The following EYA1 variants were observed in gnomAD, a reference collection of about 807,000 sequenced individuals.
EYA1 encodes the protein protein phosphatase EYA1.
EYA1 carries 16 observed loss-of-function variants against 82.0 expected under a neutral mutation model. The ratio of observed to expected loss-of-function variants is 0.20; its 90% CI spans 0.13 to 0.30. The LOEUF (loss-of-function observed/expected upper bound fraction) is 0.30, where lower values mean the gene tolerates loss of function less well. Among genes scored for constraint, EYA1 ranks in the 10% least tolerant of loss-of-function variants. EYA1 has a pLI of 1.00. For missense variants in EYA1, 633 were observed against 730.7 expected (o/e 0.87, Z 1.54); for synonymous variants, 261 against 264.4 (o/e 0.99, Z 0.12).
intron 2 of EYA1, among the ~76,000 whole-genome samples, chr8:71,412,181 A>G (rs1371755435): frequency 1.6e-5 from 2 of 125,344 alleles, no homozygotes; most frequent in African/African-American, 6.0e-5. Flanking sequence ...TTGAACAATG[A>G]GATCACATGG....
At chr8:71,475,683 A>G (rs551862649) in intron 2 of EYA1, among the ~76,000 whole-genome samples, 199 of 152,310 alleles carry the variant, frequency 1.3e-3, no homozygotes, top group Non-Finnish European at 2.0e-3. Flanking sequence ...AATTCTTTTC[A>G]TGGCCATTAG....
At chr8:71,496,645 C>T (rs1386038017) in intron 2 of EYA1, among the ~76,000 whole-genome samples, 1 of 152,032 alleles carries the variant, frequency 6.6e-6, no homozygotes, top group African/African-American at 2.4e-5. Context: ...TGTGAACTAA[C>T]CTCTGGAACA....
At chr8:71,537,704 T>A (rs1251053381) in intron 1 of EYA1, among the ~76,000 whole-genome samples, 2 of 152,190 alleles carry the variant, frequency 1.3e-5, no homozygotes, top group Non-Finnish European at 2.9e-5. Context: ...TTTCCATACC[T>A]GTCTTGTGAA....
intron 2 of EYA1, among the ~76,000 whole-genome samples, chr8:71,478,968 G>A (rs1030976294): frequency 2.0e-5 from 3 of 152,118 alleles, no homozygotes; most frequent in Non-Finnish European, 4.4e-5. Context: ...CATTCTTTGT[G>A]GGTATCAAGA....
upstream of EYA1, among the ~76,000 whole-genome samples, chr8:71,365,422 A>G (rs1827696679): frequency 6.6e-6 from 1 of 152,192 alleles, no homozygotes; most frequent in Non-Finnish European, 1.5e-5. Context: ...TTTCAAAAAT[A>G]ACAGTATAGT....
At chr8:71,465,021 A>G (rs1808677204) in intron 2 of EYA1, among the ~76,000 whole-genome samples, 1 of 152,240 alleles carries the variant, frequency 6.6e-6, no homozygotes, top group Non-Finnish European at 1.5e-5. Context: ...TGGAACTCAT[A>G]TAAAGCTTCA....
In EYA1 at chr8:71,199,109, T is replaced by C; in HGVS notation, c.*231A>G. ...AGACACATAACGCTGTGCTAAAACA[T>C]TCTCATGGCTTATTTTCACTGGATT... On this transcript the variant is annotated 3_prime_UTR_variant, in exon 18 of 18. Transcript: ENST00000340726. 1.7e-6 allele frequency: 1 copy of C among 595,414 alleles called. No individual in the cohort carries two copies. The allele number at this position is 595,414 out of a possible 1,614,324, so 36.9% of individuals were successfully genotyped here.
chr8:71,333,971 A>C, intron 4 of EYA1, 126 bp downstream of exon 4: 1 of 712,832 alleles, frequency 1.4e-6, no homozygotes, highest in East Asian at 2.7e-5. Context: ...GTATATATAC[A>C]TAAGTACGTA....
chr8:71,370,806 G>A (rs112301773), intron 2 of EYA1, among the ~76,000 whole-genome samples: 4,434 of 150,412 alleles, frequency 0.029, 224 homozygotes, highest in African/African-American at 0.1. Context: ...TTTATTTTAC[G>A]TACAGACGAG....
intron 2 of EYA1, among the ~76,000 whole-genome samples, chr8:71,424,718 A>G (rs1831324904): frequency 6.6e-6 from 1 of 151,940 alleles, no homozygotes; most frequent in Admixed American, 6.6e-5. Flanking sequence ...TTCCCCTTGA[A>G]CTTTCTGCTT....
chr8:71,233,739 A>C (rs1811510754), intron 12 of EYA1, among the ~76,000 whole-genome samples: 1 of 152,194 alleles, frequency 6.6e-6, no homozygotes, highest in Admixed American at 6.5e-5. Context: ...GTAATATGAA[A>C]GTCTAATATC....
At chr8:71,361,294 G>T (rs1827350549) in intron 1 of EYA1, among the ~76,000 whole-genome samples, 1 of 152,142 alleles carries the variant, frequency 6.6e-6, no homozygotes, top group African/African-American at 2.4e-5. Context: ...ATATATTTGA[G>T]ATTTGTGCAG....
chr8:71,246,820 G>A (rs1265840029), intron 11 of EYA1, among the ~76,000 whole-genome samples: 1 of 152,138 alleles, frequency 6.6e-6, no homozygotes, highest in Non-Finnish European at 1.5e-5. Context: ...GCCTTGCTGG[G>A]CACCTGCCAG....
At chr8:71,210,436 A>C (rs184862075) in intron 17 of EYA1, among the ~76,000 whole-genome samples, 18 of 152,316 alleles carry the variant, frequency 1.2e-4, no homozygotes, top group Admixed American at 1.0e-3. Context: ...GAGACAGATC[A>C]GAAAGGCAGG....
chr8:71,365,741 G>A (rs1266602664), upstream of EYA1, among the ~76,000 whole-genome samples: 1 of 152,086 alleles, frequency 6.6e-6, no homozygotes, highest in African/African-American at 2.4e-5. Context: ...ATTCTGAATG[G>A]TCACTTCCAT....
chr8:71,364,143 A>C (rs529896118), upstream of EYA1, among the ~76,000 whole-genome samples: 3 of 152,026 alleles, frequency 2.0e-5, no homozygotes, highest in East Asian at 5.8e-4. Context: ...TGATGAATGT[A>C]ATGTGACCAC....
chr8:71,402,522 A>AT (rs1445825772), intron 2 of EYA1, among the ~76,000 whole-genome samples: 1 of 152,322 alleles, frequency 6.6e-6, no homozygotes, highest in South Asian at 2.1e-4. Context: ...TTCTAAAGTT[A>AT]TTTTTTAATT....
intron 2 of EYA1, among the ~76,000 whole-genome samples, chr8:71,445,708 G>A (rs1299788735): frequency 2.0e-5 from 3 of 151,950 alleles, no homozygotes; most frequent in African/African-American, 4.8e-5. Context: ...GCACGATCTC[G>A]GCTCACTGCC....
At chr8:71,448,799 T>C (rs1240274188) in intron 2 of EYA1, 1 of 163,336 alleles carries the variant, frequency 6.1e-6, no homozygotes, top group Non-Finnish European at 1.5e-5. Flanking sequence ...GGAATTTTTC[T>C]ACATTCCACT....
Sources: allele counts gnomAD v4.1 joint callset (sites outside exome capture counted in the v4.1 genomes callset), GRCh38; gene constraint gnomAD v4.1.1; transcripts MANE v1.5; gene names NCBI Gene and HGNC (gene_info 2026-07-23, HGNC 2026-07-21).